Variants in TMEM151B observed in about 807,000 individuals in gnomAD.
TMEM151B encodes transmembrane protein 193.
A neutral mutation model predicts 33.0 loss-of-function variants in TMEM151B; 18 were observed. The observed-to-expected ratio is 0.55, with a 90% CI of 0.38 to 0.81. The LOEUF is 0.81. Among genes scored for constraint, TMEM151B ranks in the 30% least tolerant of loss-of-function variants. The probability of loss-of-function intolerance (pLI) is 0.00; values close to 1 mark genes in which losing one functional copy is unlikely to be tolerated. For synonymous variants in TMEM151B, 354 were observed against 373.6 expected (o/e 0.95, Z 0.61); for missense variants, 672 against 843.4 (o/e 0.80, Z 2.52).
rs574455122 is a variant in TMEM151B, at chr6:44,274,866, C to T, written c.577-537C>T. On this transcript the variant is annotated intron_variant, in intron 2 of 2. Coordinates refer to ENST00000451188, the MANE Select transcript of TMEM151B (RefSeq NM_001137560.2). ...GGGGGCGGTGGCTCATGCCTGTAGT[C>T]CCAGCACTTTGGGAGGCCGAGGCGG... is the stretch of plus-strand genomic sequence containing the variant. 2.0e-5 allele frequency among the ~76,000 whole-genome samples: 3 copies of T among 152,192 alleles called. No individual in the cohort carries two copies. The East Asian group carries it at 5.8e-4, about 29-fold the overall frequency.
rs1448252333 is a variant in TMEM151B, at chr6:44,276,127, A to C, written c.1301A>C (p.Glu434Ala). ...GTGGCTCCCTACCGGCGCAGCTGCG[A>C]GCACTGCCAGCGCGCCGTCAGCAGC... Reference protein sequence around the residue: ...AGVAPYRRSCEHCQRAVSSSS... With the variant: ...AGVAPYRRSCAHCQRAVSSSS... Residue 434 changes from glutamate (E) to alanine (A), a missense_variant, in exon 3 of 3, where the codon GAG (glutamate) becomes GCG (alanine). By Grantham distance (107) the Glu-to-Ala change is moderately radical. Around this residue, in one of 3 missense-constraint regions of TMEM151B, gnomAD observed 324 missense variants for 363.1 expected, o/e 0.89. Coordinates refer to ENST00000451188, the MANE Select transcript of TMEM151B (RefSeq NM_001137560.2). The C allele has an allele frequency of 7.6e-7, 1 of 1,319,182 alleles. No individual in the cohort carries two copies. The highest frequency in any genetic ancestry group is 3.1e-5 in the East Asian group (1 of 31,962). 81.7% of individuals were successfully genotyped at this position (1,319,182 alleles called of 1,614,324 possible).
In TMEM151B at chr6:44,273,187, C is replaced by T; in HGVS notation, c.257C>T (p.Thr86Ile). 1.3e-6 allele frequency: 2 copies of T among 1,549,366 alleles called. No individual in the cohort carries two copies. Among genetic ancestry groups the T allele is most frequent in the Middle Eastern group, 1.7e-4 (1 of 5,986 alleles). The change falls in exon 2 of 3, where the codon ACA (threonine) becomes ATA (isoleucine). Residue 86 changes from threonine to isoleucine, a missense_variant. Coordinates refer to ENST00000451188, the MANE Select transcript of TMEM151B (RefSeq NM_001137560.2). ...LGAVAWCHVT[T>I]VTRLTFSSAY... ...GCAGTGGCCTGGTGCCACGTCACCA[C>T]AGTGACGCGCCTCACCTTCAGCAGC... is the stretch of plus-strand genomic sequence containing the variant.
At position 44,278,208 on chromosome 6, in the gene TMEM151B, GT is replaced by G. The variant is rs1782667934; in HGVS notation, c.*1682del. The stretch of plus-strand genomic sequence containing the variant: ...GCGGGGAGTGCGAGGGGCCCAAATT[GT>G]GGGGATACCATGGCCCATGGCTTCT... On this transcript the variant is annotated 3_prime_UTR_variant, in exon 3 of 3. Coordinates refer to ENST00000451188, the MANE Select transcript of TMEM151B (RefSeq NM_001137560.2). 6.4e-6 allele frequency: 1 copy of G among 155,226 alleles called. No homozygotes were observed. 9.6% of individuals were successfully genotyped at this position (155,226 alleles called of 1,614,324 possible).
Position 44,271,499 on chromosome 6 carries a change from T to C in TMEM151B, c.135+622T>C, listed in dbSNP as rs1239621506. Among the ~76,000 whole-genome samples, 17 of 151,802 alleles carry C rather than the reference T, an allele frequency of 1.1e-4. 1 individual carries two copies. The highest frequency in any genetic ancestry group is 1.1e-3 in the Admixed American group (17 of 15,192). On this transcript the variant is annotated intron_variant, in intron 1 of 2. Coordinates refer to ENST00000451188, the MANE Select transcript of TMEM151B (RefSeq NM_001137560.2). Reference sequence around the variant, plus strand: ...AGGAAAGTACCAGGAGCACCCCCACTCCAGCCTCCCATGCACACTTGTGCA... The same window carrying C: ...AGGAAAGTACCAGGAGCACCCCCACCCCAGCCTCCCATGCACACTTGTGCA...
chr6:44,273,522 G>T lies in TMEM151B; in HGVS notation c.576+16G>T. 1 of 1,529,288 alleles carries T rather than the reference G, an allele frequency of 6.5e-7. No homozygotes were observed. The allele number at this position is 1,529,288 out of a possible 1,614,324, so 94.7% of individuals were successfully genotyped here. On this transcript the variant is annotated intron_variant, in intron 2 of 2. Coordinates refer to ENST00000451188, the MANE Select transcript of TMEM151B (RefSeq NM_001137560.2). ...CACCACCCAGGTGAGGAGCTGGTGGGGAGTGCAGGACATTCAACATGGGAG... is the reference window on the plus strand; with the variant it reads ...CACCACCCAGGTGAGGAGCTGGTGGTGAGTGCAGGACATTCAACATGGGAG...
chr6:44,275,131 AAAAAAG>A (rs1554142989), intron 2 of TMEM151B, among the ~76,000 whole-genome samples: 2 of 142,428 alleles, frequency 1.4e-5, no homozygotes, highest in African/African-American at 2.5e-5. Flanking sequence ...AAAAAAAAAA[AAAAAAG>A]AAAAAGAAAA....
intron 2 of TMEM151B, 81 bp downstream of exon 2, chr6:44,273,587 T>TG: frequency 7.0e-7 from 1 of 1,419,364 alleles, no homozygotes; most frequent in Non-Finnish European, 9.5e-7. Context: ...CCCACCTCCC[T>TG]GGGGGGAAGG....
intron 2 of TMEM151B, among the ~76,000 whole-genome samples, chr6:44,275,117 CAAAA>C (rs55699643): frequency 0.57 from 63,967 of 111,310 alleles, 16,387 homozygotes; most frequent in Admixed American, 0.67. Context: ...GACTCCATCT[CAAAA>C]AAAAAAAAAA....
rs893931811 is a variant in TMEM151B at position 44,276,715 on chromosome 6, G to A, written c.*188G>A. 1 of 1,189,746 alleles carries A rather than the reference G, an allele frequency of 8.4e-7. No individual in the cohort carries two copies. The highest frequency in any genetic ancestry group is 3.2e-5 in the East Asian group (1 of 31,326). The allele number at this position is 1,189,746 out of a possible 1,614,324, so 73.7% of individuals were successfully genotyped here. On this transcript the variant is annotated 3_prime_UTR_variant, in exon 3 of 3. Coordinates refer to ENST00000451188, the MANE Select transcript of TMEM151B (RefSeq NM_001137560.2). ...CGCTGTCCCTGTACATAAAGAGACC[G>A]ATGGGTGGGAGGGGGTCGGCTGCTC...
intron 2 of TMEM151B, among the ~76,000 whole-genome samples, chr6:44,274,252 G>A (rs1782479264): frequency 6.6e-6 from 1 of 152,160 alleles, no homozygotes; most frequent in African/African-American, 2.4e-5. Flanking sequence ...CACATGCCCA[G>A]TATCATAGCA....
Position 44,276,527 on chromosome 6 carries a change from A to C in TMEM151B, c.1701A>C (p.Ter567CysextTer42). 1.5e-6 allele frequency: 2 copies of C among 1,348,350 alleles called. No individual in the cohort carries two copies. The highest frequency in any genetic ancestry group is 1.9e-6 in the Non-Finnish European group (2 of 1,044,078). 83.5% of individuals were successfully genotyped at this position (1,348,350 alleles called of 1,614,324 possible). The change falls in exon 3 of 3, where the codon TGA (stop) becomes TGC (cysteine). Residue 567 changes from the stop codon to cysteine (C), a stop_lost. Coordinates refer to ENST00000451188, the MANE Select transcript of TMEM151B (RefSeq NM_001137560.2). ...GCTCCTGCGTAGAGACCTCACTGTG[A>C]CCTCCGGCCCCGGAGTGGCCCGCGC... is the stretch of plus-strand genomic sequence containing the variant. ...RHGSCVETSL[*>C]
intron 2 of TMEM151B, 59 bp downstream of exon 2, chr6:44,273,565 C>G (rs1561917396): frequency 6.8e-7 from 1 of 1,480,884 alleles, no homozygotes; most frequent in Non-Finnish European, 9.1e-7. Context: ...TTACGTGCTG[C>G]CTCACTCCCT....
rs1456653926 is a variant in TMEM151B at position 44,270,746 on chromosome 6, TC to T, written c.11del (p.Pro4LeufsTer84). On this transcript the variant is annotated frameshift_variant, in exon 1 of 3. Transcript: ENST00000451188. LOFTEE classifies it high-confidence loss of function. ...CTCGACGCGCCCCCTCTACGCCATG[TC>T]CCCCCCTGGCTCGGCCGCGGGAGAG... M[S>X]PPGSAAGESA... The T allele has an allele frequency of 1.5e-4, 152 of 1,037,978 alleles. No homozygotes were observed. The highest frequency in any genetic ancestry group is 2.4e-4 in the East Asian group (4 of 16,780). The allele number at this position is 1,037,978 out of a possible 1,614,324, so 64.3% of individuals were successfully genotyped here.
rs977547057 is a variant in TMEM151B, at chr6:44,271,253, G to C, written c.135+376G>C. On this transcript the variant is annotated intron_variant, in intron 1 of 2. Coordinates refer to ENST00000451188, the MANE Select transcript of TMEM151B (RefSeq NM_001137560.2). Reference sequence around the variant, plus strand: ...GGAAGGGCGGCTTGTACGGGCTACAGAACGAGGAGGGTACCATGGGGAAGT... The same window carrying C: ...GGAAGGGCGGCTTGTACGGGCTACACAACGAGGAGGGTACCATGGGGAAGT... 5.3e-5 allele frequency among the ~76,000 whole-genome samples: 8 copies of C among 151,736 alleles called. 1 individual carries two copies. In the East Asian group the frequency reaches 7.8e-4, roughly 15 times the overall value.
intron 2 of TMEM151B, 41 bp downstream of exon 2, chr6:44,273,547 G>C (rs930065797): frequency 8.6e-6 from 13 of 1,503,614 alleles, no homozygotes; most frequent in Non-Finnish European, 1.2e-5. Context: ...CAACATGGGA[G>C]GTGGCACTTA....
At chr6:44,271,281 T>C (rs1215240677) in intron 1 of TMEM151B, among the ~76,000 whole-genome samples, 1 of 141,960 alleles carries the variant, frequency 7.0e-6, no homozygotes, top group Non-Finnish European at 1.5e-5. Flanking sequence ...GGGGAAGTGG[T>C]GGTGGTACCT....
intron 2 of TMEM151B, 96 bp downstream of exon 2, chr6:44,273,602 A>G: frequency 7.4e-7 from 1 of 1,345,294 alleles, no homozygotes; most frequent in Admixed American, 2.6e-5. Flanking sequence ...GGAAGGTGGG[A>G]GGAGCAAAAG....
At position 44,275,564 on chromosome 6, in the gene TMEM151B, G is replaced by A; in HGVS notation, c.738G>A (p.Glu246=). ...TCAGTTTCGCCAGCGTGGAGGCCGA[G>A]AACGCGTACCTGTGCCAGCGCGCGC... ...KCFSFASVEA[E]NAYLCQRARF... The change falls in exon 3 of 3, where the codon GAG becomes GAA. Residue 246 remains glutamate (E), a synonymous_variant. Coordinates refer to ENST00000451188, the MANE Select transcript of TMEM151B (RefSeq NM_001137560.2). The A allele has an allele frequency of 6.4e-7, 1 of 1,550,860 alleles. No homozygotes were observed. The highest frequency in any genetic ancestry group is 2.4e-5 in the East Asian group (1 of 40,912).
chr6:44,276,326 C>G lies in TMEM151B; in HGVS notation c.1500C>G (p.Cys500Trp). The G allele has an allele frequency of 6.9e-7, 1 of 1,459,166 alleles. No homozygotes were observed. Among genetic ancestry groups the G allele is most frequent in the Admixed American group, 2.3e-5 (1 of 42,752 alleles). The allele number at this position is 1,459,166 out of a possible 1,614,324, so 90.4% of individuals were successfully genotyped here. Reference protein sequence around the residue: ...SRSGSVNEASCPTEQTRLSSQ... With the variant: ...SRSGSVNEASWPTEQTRLSSQ... The stretch of plus-strand genomic sequence containing the variant: ...GCGGGAGCGTCAACGAGGCCAGCTG[C>G]CCCACGGAGCAGACGCGGCTGTCCA... Residue 500 changes from cysteine (C) to tryptophan (W), a missense_variant, in exon 3 of 3, where the codon TGC becomes TGG. Around this residue, in one of 3 missense-constraint regions of TMEM151B, gnomAD observed 324 missense variants for 363.1 expected, o/e 0.89. Coordinates refer to ENST00000451188, the MANE Select transcript of TMEM151B (RefSeq NM_001137560.2).
Sources: gnomAD v4.1 joint callset for allele counts (sites outside exome capture counted in the v4.1 genomes callset) on GRCh38, gnomAD v4.1.1 for gene constraint, gnomAD v4.1.1 regional missense constraint, MANE v1.5 for transcripts, NCBI Gene and HGNC (gene_info 2026-07-23, HGNC 2026-07-21) for gene names.